FAM118A: variants seen among roughly 807,000 people sequenced by gnomAD.
FAM118A encodes SIR2 antiphage like 2.
Under a neutral mutation model 38.2 loss-of-function variants are expected in FAM118A, and 25 were observed. The ratio of observed to expected loss-of-function variants is 0.65; its 90% CI spans 0.48 to 0.91. The LOEUF is 0.91. Ranked by LOEUF, FAM118A falls within the 40% of genes least tolerant of loss-of-function variation. FAM118A has a pLI of 0.00. For synonymous variants in FAM118A, 178 were observed against 184.1 expected, an observed-to-expected ratio of 0.97 and a Z score of 0.27; for missense variants, 425 against 463.3, an observed-to-expected ratio of 0.92 and a Z score of 0.76.
intron 3 of FAM118A, among the ~76,000 whole-genome samples, chr22:45,326,697 C>T (rs1038003069): frequency 4.6e-5 from 7 of 151,368 alleles, no homozygotes; most frequent in African/African-American, 1.7e-4. Flanking sequence ...TGTGGTGGTG[C>T]GCACCTGTAG....
At chr22:45,323,539 A>G (rs1432578743) in intron 3 of FAM118A, 112 bp downstream of exon 3, 38 of 1,387,734 alleles carry the variant, frequency 2.7e-5, no homozygotes, top group Non-Finnish European at 3.6e-5. Flanking sequence ...AGTGCTCAGC[A>G]GAGTCGGGCT....
chr22:45,337,727 C>G (rs892025723), intron 8 of FAM118A: 8 of 550,096 alleles, frequency 1.5e-5, no homozygotes, highest in Non-Finnish European at 1.9e-5. Flanking sequence ...GAGATGGAGG[C>G]CTAGGTCTCC....
At chr22:45,334,805 G>A (rs557045190) in intron 6 of FAM118A, among the ~76,000 whole-genome samples, 1 of 152,272 alleles carries the variant, frequency 6.6e-6, no homozygotes, top group South Asian at 2.1e-4. Context: ...GAGAGGCAGC[G>A]GGCTTTTCTC....
chr22:45,321,228 T>G (rs1480057524), intron 1 of FAM118A, among the ~76,000 whole-genome samples: 1 of 151,918 alleles, frequency 6.6e-6, no homozygotes, highest in Non-Finnish European at 1.5e-5. Context: ...GTGATTCTCC[T>G]GCCTCAGCCT....
Position 45,330,489 on chromosome 22 carries a change from G to A in FAM118A, c.523-114G>A, listed in dbSNP as rs188317087. The A allele has an allele frequency of 2.2e-5, 26 of 1,208,336 alleles. No individual in the cohort carries two copies. In the East Asian group the frequency reaches 2.3e-4, roughly 10 times the overall value. 74.9% of individuals were successfully genotyped at this position (1,208,336 alleles called of 1,614,324 possible). On this transcript the variant is annotated intron_variant, in intron 4 of 8. Coordinates refer to ENST00000441876, the MANE Select transcript of FAM118A (RefSeq NM_017911.4). ...ATAAGTGTAAAGTGAAGCATCTCTC[G>A]ATGATTCTTTCCAAGATAGGTTTAA...
intron 4 of FAM118A, chr22:45,329,981 C>A (rs2085589456): frequency 6.6e-6 from 1 of 152,224 alleles, no homozygotes; most frequent in Non-Finnish European, 1.5e-5. Context: ...GTATCTTGAA[C>A]TGAAAGGAAT....
At chr22:45,314,709 A>G (rs1028630309) in intron 1 of FAM118A, among the ~76,000 whole-genome samples, 5 of 152,256 alleles carry the variant, frequency 3.3e-5, no homozygotes, top group African/African-American at 1.2e-4. Flanking sequence ...AGGTGGGTCC[A>G]CAAGCCCCTG....
intron 8 of FAM118A, among the ~76,000 whole-genome samples, chr22:45,340,125 A>G (rs2086385106): frequency 6.6e-6 from 1 of 152,186 alleles, no homozygotes; most frequent in South Asian, 2.1e-4. Context: ...TAAGAAATAA[A>G]AGAGCATCCA....
intron 3 of FAM118A, among the ~76,000 whole-genome samples, chr22:45,326,325 G>A (rs935836246): frequency 5.3e-5 from 8 of 152,168 alleles, no homozygotes; most frequent in Non-Finnish European, 1.0e-4. Context: ...CAAGGCCACC[G>A]GTGAAACACT....
intron 2 of FAM118A, among the ~76,000 whole-genome samples, chr22:45,322,708 C>T (rs1041507482): frequency 6.6e-6 from 1 of 152,160 alleles, no homozygotes; most frequent in African/African-American, 2.4e-5. Context: ...TCTTTGACTA[C>T]AGATGGACAG....
Position 45,340,847 on chromosome 22 carries a change from GAC to G in FAM118A, c.*444_*445del, listed in dbSNP as rs764973862. 40 of 174,058 alleles carry G rather than the reference GAC, an allele frequency of 2.3e-4. 1 individual carries two copies. Among genetic ancestry groups the G allele is most frequent in the Admixed American group, 8.2e-4 (14 of 17,136 alleles). 10.8% of individuals were successfully genotyped at this position (174,058 alleles called of 1,614,324 possible). ...GTCAGAGTCTCACTCTGTCACCCAG[GAC>G]AGAGTGCAGTGGTACGATCTCAAGC... is the stretch of plus-strand genomic sequence containing the variant. On this transcript the variant is annotated 3_prime_UTR_variant, in exon 9 of 9. Coordinates refer to ENST00000441876, the MANE Select transcript of FAM118A (RefSeq NM_017911.4).
chr22:45,314,520 G>C (rs1475869212), intron 1 of FAM118A, among the ~76,000 whole-genome samples: 1 of 152,220 alleles, frequency 6.6e-6, no homozygotes, highest in Non-Finnish European at 1.5e-5. Flanking sequence ...CAGCCCCGTG[G>C]GGGAAGTTGA....
chr22:45,334,896 T>A (rs900232381), intron 6 of FAM118A: 9 of 162,130 alleles, frequency 5.6e-5, no homozygotes, highest in African/African-American at 2.2e-4. Context: ...CTGCATGTGC[T>A]CGGGCTCCTA....
chr22:45,340,261 G>T, intron 8 of FAM118A, 125 bp from the exon 9 acceptor site: 1 of 1,038,316 alleles, frequency 9.6e-7, no homozygotes. Flanking sequence ...CATTGTGGAG[G>T]GGTTTTCAAA....
intron 8 of FAM118A, among the ~76,000 whole-genome samples, chr22:45,337,212 G>A (rs570054899): frequency 1.3e-5 from 2 of 152,334 alleles, no homozygotes; most frequent in African/African-American, 2.4e-5. Flanking sequence ...GTCGGTCTCC[G>A]TGGTGACAGG....
At chr22:45,322,315 A>G (rs1429708018) in intron 1 of FAM118A, 56 bp from the exon 2 acceptor site, 1 of 1,587,080 alleles carries the variant, frequency 6.3e-7, no homozygotes, top group Non-Finnish European at 8.6e-7. Flanking sequence ...CCAGGGTGCA[A>G]ATAAAAACTT....
At chr22:45,327,490 G>C (rs2085360325) in intron 3 of FAM118A, among the ~76,000 whole-genome samples, 1 of 152,162 alleles carries the variant, frequency 6.6e-6, no homozygotes, top group Admixed American at 6.5e-5. Flanking sequence ...TCAGTGCTGT[G>C]GCCCTTGCTC....
chr22:45,311,922 C>T (rs939639681), intron 1 of FAM118A, among the ~76,000 whole-genome samples: 2 of 151,910 alleles, frequency 1.3e-5, no homozygotes, highest in Non-Finnish European at 2.9e-5. Context: ...TCTGTGGTCG[C>T]CTTAGTGCTT....
At chr22:45,323,074 T>C in intron 2 of FAM118A, 101 bp from the exon 3 acceptor site, 1 of 1,256,014 alleles carries the variant, frequency 8.0e-7, no homozygotes, top group Non-Finnish European at 1.1e-6. Flanking sequence ...TGTGTGTGTG[T>C]GTACACAGCA....
Sources: gnomAD v4.1 joint callset for allele counts (sites outside exome capture counted in the v4.1 genomes callset) on GRCh38, gnomAD v4.1.1 for gene constraint, MANE v1.5 for transcripts, NCBI Gene and HGNC (gene_info 2026-07-23, HGNC 2026-07-21) for gene names.